The following PHACTR1 variants were observed in gnomAD, a reference collection of about 807,000 sequenced individuals.
The protein encoded by PHACTR1 is phosphatase and actin regulator 1, also known as RPEL repeat containing 1.
Under a neutral mutation model 69.2 loss-of-function variants are expected in PHACTR1, and 16 were observed. That is an observed-to-expected ratio of 0.23 (90% CI 0.16 to 0.35). The LOEUF (loss-of-function observed/expected upper bound fraction) is 0.35, where lower values mean the gene tolerates loss of function less well. Ranked by LOEUF, PHACTR1 falls within the 10% of genes least tolerant of loss-of-function variation. PHACTR1 has a pLI of 1.00. For synonymous variants in PHACTR1, 312 were observed against 284.5 expected (o/e 1.10, Z -0.97); for missense variants, 510 against 734.7 (o/e 0.69, Z 3.54).
chr6:12,840,876 G>A (rs1778621043), intron 4 of PHACTR1, among the ~76,000 whole-genome samples: 1 of 152,202 alleles, frequency 6.6e-6, no homozygotes, highest in Admixed American at 6.5e-5. Context: ...AGTGATGCTT[G>A]TTGCATTGAG....
intron 4 of PHACTR1, among the ~76,000 whole-genome samples, chr6:12,995,271 T>C (rs986517953): frequency 2.0e-5 from 3 of 147,180 alleles, no homozygotes; most frequent in Non-Finnish European, 4.5e-5. Context: ...ACAAAATATA[T>C]AACTTCCAAA....
intron 5 of PHACTR1, among the ~76,000 whole-genome samples, chr6:13,143,298 T>C (rs1171358819): frequency 1.3e-5 from 2 of 152,244 alleles, no homozygotes; most frequent in Non-Finnish European, 2.9e-5. Context: ...GGATGGTTTG[T>C]AACTCAAAGG....
intron 7 of PHACTR1, among the ~76,000 whole-genome samples, chr6:13,199,383 CAAAAAAAAAAAA>C (rs59070503): frequency 2.7e-4 from 21 of 78,252 alleles, no homozygotes; most frequent in African/African-American, 1.2e-3. Context: ...GAGTCCATCT[CAAAAAAAAAAAA>C]AAAAAAAAAA....
intron 5 of PHACTR1, among the ~76,000 whole-genome samples, chr6:13,086,848 G>T (rs772126286): frequency 6.6e-5 from 10 of 151,988 alleles, no homozygotes; most frequent in Non-Finnish European, 1.3e-4. Context: ...ATAAGAAATT[G>T]TCATGCTGTG....
At chr6:13,191,559 A>G (rs1434057727) in intron 7 of PHACTR1, among the ~76,000 whole-genome samples, 2 of 152,166 alleles carry the variant, frequency 1.3e-5, no homozygotes, top group Non-Finnish European at 2.9e-5. Flanking sequence ...AGCTATACAA[A>G]TGTTCTATAG....
At chr6:12,733,646 T>A (rs140013522) in intron 3 of PHACTR1, among the ~76,000 whole-genome samples, 376 of 152,302 alleles carry the variant, frequency 2.5e-3, no homozygotes, top group African/African-American at 8.6e-3. Flanking sequence ...GTTGTCTTCT[T>A]GTATATGGGG....
intron 4 of PHACTR1, among the ~76,000 whole-genome samples, chr6:13,039,139 T>G (rs1803793489): frequency 6.6e-6 from 1 of 152,224 alleles, no homozygotes; most frequent in African/African-American, 2.4e-5. Context: ...GCCAGTTTTC[T>G]CTGCCATTGT....
chr6:13,032,047 C>G (rs1802525773), intron 4 of PHACTR1, among the ~76,000 whole-genome samples: 1 of 152,038 alleles, frequency 6.6e-6, no homozygotes, highest in African/African-American at 2.4e-5. Context: ...AATGAAACAC[C>G]CAAATTTCAG....
intron 5 of PHACTR1, among the ~76,000 whole-genome samples, chr6:13,124,040 A>G (rs1289255255): frequency 6.6e-6 from 1 of 152,178 alleles, no homozygotes; most frequent in African/African-American, 2.4e-5. Flanking sequence ...GATCCAAGGA[A>G]ATAGAGTGCC....
intron 5 of PHACTR1, among the ~76,000 whole-genome samples, chr6:13,094,670 A>G (rs939290242): frequency 3.9e-5 from 6 of 152,212 alleles, no homozygotes; most frequent in Admixed American, 3.9e-4. Context: ...TGAAGGCGAC[A>G]GAGATGGGAG....
At chr6:13,196,821 C>T (rs1764503627) in intron 7 of PHACTR1, among the ~76,000 whole-genome samples, 1 of 152,208 alleles carries the variant, frequency 6.6e-6, no homozygotes, top group Non-Finnish European at 1.5e-5. Flanking sequence ...TGTTTTGTTG[C>T]AAGCATGGAG....
chr6:13,021,986 C>T (rs374057171), intron 4 of PHACTR1, among the ~76,000 whole-genome samples: 18 of 152,308 alleles, frequency 1.2e-4, no homozygotes, highest in South Asian at 2.1e-4. Flanking sequence ...GTCACCTGCC[C>T]ATGCTGCTGC....
chr6:13,225,399 G>A (rs1276423339), intron 8 of PHACTR1, among the ~76,000 whole-genome samples: 2 of 152,128 alleles, frequency 1.3e-5, no homozygotes. Flanking sequence ...TTGGCCACCT[G>A]ACCAATCCCT....
chr6:12,954,779 A>G (rs954487672), intron 4 of PHACTR1, among the ~76,000 whole-genome samples: 5 of 152,384 alleles, frequency 3.3e-5, no homozygotes, highest in African/African-American at 1.2e-4. Flanking sequence ...CACTTGAATT[A>G]TGCCATAGGG....
intron 10 of PHACTR1, among the ~76,000 whole-genome samples, chr6:13,239,870 G>T (rs1006656177): frequency 2.6e-5 from 4 of 152,164 alleles, no homozygotes; most frequent in African/African-American, 7.2e-5. Flanking sequence ...GCCCAGTACC[G>T]CATGTTGAGG....
At position 13,159,968 on chromosome 6, in the gene PHACTR1, A is replaced by G. The variant is rs543047176; in HGVS notation, c.416-236A>G. 6.6e-5 allele frequency among the ~76,000 whole-genome samples: 10 copies of G among 152,290 alleles called. No individual in the cohort carries two copies. The South Asian group carries it at 2.1e-3, about 32-fold the overall frequency. On this transcript the variant is annotated intron_variant, in intron 5 of 14. Transcript: ENST00000332995. ...AAAAAAAAAGAATGCCTACCCTGTC[A>G]TAGGTGGTAATTTGAAGATTATTTG...
intron 4 of PHACTR1, among the ~76,000 whole-genome samples, chr6:13,050,906 T>G (rs1467970721): frequency 6.6e-6 from 1 of 152,180 alleles, no homozygotes; most frequent in East Asian, 1.9e-4. Context: ...CTGCTGATTC[T>G]CCCACCTGGC....
chr6:12,766,497 T>C (rs1768632686), intron 4 of PHACTR1, among the ~76,000 whole-genome samples: 1 of 152,154 alleles, frequency 6.6e-6, no homozygotes, highest in Non-Finnish European at 1.5e-5. Context: ...TTGGGCTGAC[T>C]CTCTAGGTTC....
rs1312155736 is a variant in PHACTR1, at chr6:13,283,426, G to A, written c.1514G>A (p.Ser505Asn). ...EIKRRLTRKL[S>N]QRPTVEELRE... ...CATCTCTCTCCCTCCCTGCAGCTCA[G>A]TCAAAGGCCCACGGTGGAAGAGCTT... The change falls in exon 13 of 15, where the codon AGT becomes AAT. Residue 505 changes from serine (S) to asparagine (N), a missense_variant. Transcript: ENST00000332995. The surrounding 1 kb of genome is among the most constrained non-coding windows in gnomAD (Gnocchi z 4.7). 6.2e-7 allele frequency: 1 copy of A among 1,613,420 alleles called. No individual in the cohort carries two copies. The highest frequency in any genetic ancestry group is 8.5e-7 in the Non-Finnish European group (1 of 1,179,764).
Sources: gnomAD v4.1 joint callset for allele counts (sites outside exome capture counted in the v4.1 genomes callset) on GRCh38, gnomAD v4.1.1 for gene constraint, Gnocchi (gnomAD v3.1) non-coding constraint, MANE v1.5 for transcripts, NCBI Gene and HGNC (gene_info 2026-07-23, HGNC 2026-07-21) for gene names.